Variants in KCNB2 observed in about 807,000 individuals in gnomAD.
The protein encoded by KCNB2 is delayed rectifier potassium channel protein.
KCNB2 carries 15 observed loss-of-function variants against 61.5 expected under a neutral mutation model. The ratio of observed to expected loss-of-function variants is 0.24; its 90% CI spans 0.16 to 0.38. KCNB2 has a LOEUF of 0.38. Ranked by LOEUF, KCNB2 falls within the 10% of genes least tolerant of loss-of-function variation. The pLI is 1.00. For synonymous variants in KCNB2, 457 were observed against 446.0 expected (o/e 1.02, Z -0.31); for missense variants, 828 against 1,125.2 (o/e 0.74, Z 3.78).
intron 2 of KCNB2, among the ~76,000 whole-genome samples, chr8:72,776,798 C>T (rs1440345): frequency 0.32 from 49,255 of 151,954 alleles, 8,199 homozygotes; most frequent in African/African-American, 0.38. Context: ...TGACCATCTC[C>T]GGAGCAAAGG....
intron 2 of KCNB2, among the ~76,000 whole-genome samples, chr8:72,841,375 T>TC (rs1423906605): frequency 8.4e-5 from 12 of 142,350 alleles, no homozygotes; most frequent in African/African-American, 3.2e-4. Flanking sequence ...TTTTTTTCTT[T>TC]TTTTTTTTTT....
At position 72,822,373 on chromosome 8, in the gene KCNB2, G is replaced by A. The variant is rs112594562; in HGVS notation, c.580-113562G>A. On this transcript the variant is annotated intron_variant, in intron 2 of 2. Transcript: ENST00000523207. ...TATCGAATGACGTGACAGTCTAGTT[G>A]CAAAGACAAGACACAGATAGGAAAG... Among the ~76,000 whole-genome samples, 398 of 152,348 alleles carry A rather than the reference G, an allele frequency of 2.6e-3. 3 individuals carry two copies. Among genetic ancestry groups the A allele is most frequent in the African/African-American group, 6.7e-3 (279 of 41,578 alleles).
At chr8:72,817,678 A>C (rs1457856955) in intron 2 of KCNB2, among the ~76,000 whole-genome samples, 3 of 152,142 alleles carry the variant, frequency 2.0e-5, no homozygotes. Context: ...ACAGAAACCC[A>C]ATAAATTATT....
At chr8:72,673,006 C>T (rs966810945) in intron 2 of KCNB2, among the ~76,000 whole-genome samples, 26 of 152,180 alleles carry the variant, frequency 1.7e-4, no homozygotes, top group African/African-American at 6.0e-4. Context: ...AAGAGTTAAA[C>T]ATAACATTAC....
At chr8:72,773,965 CAA>C (rs1275252234) in intron 2 of KCNB2, among the ~76,000 whole-genome samples, 3 of 152,086 alleles carry the variant, frequency 2.0e-5, no homozygotes, top group Non-Finnish European at 4.4e-5. Flanking sequence ...TCATTCAAGT[CAA>C]GTTATTAATT....
chr8:72,692,419 T>G (rs981953891), intron 2 of KCNB2, among the ~76,000 whole-genome samples: 3 of 152,154 alleles, frequency 2.0e-5, no homozygotes, highest in Non-Finnish European at 4.4e-5. Flanking sequence ...CAGAGATATT[T>G]GGTTAGTGGG....
At chr8:72,712,882 T>C (rs528351081) in intron 2 of KCNB2, among the ~76,000 whole-genome samples, 1 of 152,248 alleles carries the variant, frequency 6.6e-6, no homozygotes, top group South Asian at 2.1e-4. Flanking sequence ...ACCTGGGAAG[T>C]GCAAGGGGTC....
rs2128983267 is a variant in KCNB2, at chr8:72,610,104, A to G, written c.579+41791A>G. Among the ~76,000 whole-genome samples, 2 of 152,304 alleles carry G rather than the reference A, an allele frequency of 1.3e-5. 1 individual carries two copies. Among genetic ancestry groups the G allele is most frequent in the South Asian group, 4.1e-4 (2 of 4,824 alleles). ...TCTGACCACAGGGTTGGGATAAAAC[A>G]ACAGGAAAAAAAAATCTTCAAATCA... On this transcript the variant is annotated intron_variant, in intron 2 of 2. Transcript: ENST00000523207.
rs949486524 is a variant in KCNB2 at position 72,846,371 on chromosome 8, A to G, written c.580-89564A>G. On this transcript the variant is annotated intron_variant, in intron 2 of 2. Transcript: ENST00000523207. ...CATGGGCAAGGACTTCATGACTAAA[A>G]TACCGAAAGCAATGGTAACAAAAGC... 1.3e-5 allele frequency among the ~76,000 whole-genome samples: 2 copies of G among 152,200 alleles called. 1 individual carries two copies.
chr8:72,855,225 T>C (rs1438792824), intron 2 of KCNB2, among the ~76,000 whole-genome samples: 3 of 152,228 alleles, frequency 2.0e-5, no homozygotes, highest in African/African-American at 7.2e-5. Context: ...TGGATGTGCT[T>C]TAAACCCTCC....
At chr8:72,619,247 C>A (rs77209420) in intron 2 of KCNB2, 2 of 604,122 alleles carry the variant, frequency 3.3e-6, no homozygotes, top group South Asian at 1.4e-5. Context: ...GTTTCAAGGG[C>A]GATGTGCTGT....
intron 2 of KCNB2, among the ~76,000 whole-genome samples, chr8:72,683,554 T>C (rs1806798130): frequency 6.6e-6 from 1 of 152,118 alleles, no homozygotes; most frequent in South Asian, 2.1e-4. Context: ...GCTGCTGAAG[T>C]GTATCCTTCT....
rs1806707532 is a variant in KCNB2, at chr8:72,928,669, AACACACACACAG to A, written c.580-7254_580-7243del. Reference sequence around the variant, plus strand: ...TGGGGCTTTACTTTCAATTACATGGAACACACACACAGACACACACACACACACACACACACA... The same window carrying A: ...TGGGGCTTTACTTTCAATTACATGGAACACACACACACACACACACACACA... On this transcript the variant is annotated intron_variant, in intron 2 of 2. Coordinates refer to ENST00000523207, the MANE Select transcript of KCNB2 (RefSeq NM_004770.3). 2.3e-5 allele frequency among the ~76,000 whole-genome samples: 3 copies of A among 128,278 alleles called. No individual in the cohort carries two copies. In the South Asian group the frequency reaches 7.9e-4, roughly 34 times the overall value. The allele number at this position is 128,278 out of a possible 152,430, so 84.2% of individuals were successfully genotyped here.
At chr8:72,724,169 C>T (rs1275258330) in intron 2 of KCNB2, among the ~76,000 whole-genome samples, 2 of 152,122 alleles carry the variant, frequency 1.3e-5, no homozygotes, top group Admixed American at 6.6e-5. Flanking sequence ...AGCGGTATTT[C>T]GTCTTCCTTG....
chr8:72,676,606 G>C (rs1235356054), intron 2 of KCNB2, among the ~76,000 whole-genome samples: 1 of 151,216 alleles, frequency 6.6e-6, no homozygotes. Flanking sequence ...GGGATATATA[G>C]AATTTACATT....
intron 2 of KCNB2, among the ~76,000 whole-genome samples, chr8:72,702,867 C>G (rs1297857384): frequency 2.0e-5 from 3 of 152,106 alleles, no homozygotes; most frequent in Non-Finnish European, 2.9e-5. Flanking sequence ...GCCAGGTGTC[C>G]TATGGATTTC....
chr8:72,811,622 G>A (rs1363370246), intron 2 of KCNB2, among the ~76,000 whole-genome samples: 2 of 152,178 alleles, frequency 1.3e-5, no homozygotes, highest in East Asian at 3.9e-4. Context: ...ATTCTCTTGG[G>A]TTTTCCAGGT....
intron 2 of KCNB2, among the ~76,000 whole-genome samples, chr8:72,698,181 A>T (rs1428938824): frequency 3.3e-5 from 5 of 152,158 alleles, no homozygotes; most frequent in Non-Finnish European, 7.4e-5. Context: ...ATCAGTGTGC[A>T]AAAATCAGTA....
chr8:72,930,759 C>CT (rs1015331314), intron 2 of KCNB2, among the ~76,000 whole-genome samples: 88 of 152,192 alleles, frequency 5.8e-4, no homozygotes, highest in Admixed American at 2.7e-3. Flanking sequence ...CCTGTTCACT[C>CT]TGACGGTAGT....
Sources: allele counts gnomAD v4.1 joint callset (sites outside exome capture counted in the v4.1 genomes callset), GRCh38; gene constraint gnomAD v4.1.1; transcripts MANE v1.5; gene names NCBI Gene and HGNC (gene_info 2026-07-23, HGNC 2026-07-21).